ELF2: variants seen among roughly 807,000 people sequenced by gnomAD.
The protein encoded by ELF2 is ETS-related transcription factor Elf-2.
A neutral mutation model predicts 54.8 loss-of-function variants in ELF2; 11 were observed. That is an observed-to-expected ratio of 0.20 (90% CI 0.13 to 0.33). The LOEUF (loss-of-function observed/expected upper bound fraction) is 0.33, where lower values mean the gene tolerates loss of function less well. ELF2 is among the 10% of genes least tolerant of loss of function. ELF2 has a pLI of 1.00. For missense variants in ELF2, 513 were observed against 703.0 expected (o/e 0.73, Z 3.06); for synonymous variants, 203 against 245.1 (o/e 0.83, Z 1.61).
chr4:139,146,687 T>C (rs936208010), intron 1 of ELF2, among the ~76,000 whole-genome samples: 2 of 152,100 alleles, frequency 1.3e-5, no homozygotes, highest in Non-Finnish European at 1.5e-5. Context: ...CATTGACCAA[T>C]GGAACAGATT....
chr4:139,089,798 C>A (rs1002755551), intron 4 of ELF2, among the ~76,000 whole-genome samples: 2 of 152,180 alleles, frequency 1.3e-5, no homozygotes, highest in Admixed American at 1.3e-4. Context: ...TAAAGTTATT[C>A]ATCACATTAG....
chr4:139,144,326 G>C (rs1739008944), intron 1 of ELF2, among the ~76,000 whole-genome samples: 1 of 152,208 alleles, frequency 6.6e-6, no homozygotes, highest in Non-Finnish European at 1.5e-5. Flanking sequence ...GGGGCGGGAA[G>C]AGCCTTGTGC....
Position 139,168,148 on chromosome 4 carries a change from T to A in ELF2, c.-252+8819A>T, listed in dbSNP as rs540331352. ...TGGTTAAGTAAAGAAATGTCTGTGC[T>A]ATTACTAATACTACATGATTTACCT... is the stretch of plus-strand genomic sequence containing the variant. On this transcript the variant is annotated intron_variant, in intron 1 of 9. Transcript: ENST00000686138. Among the ~76,000 whole-genome samples the A allele has an allele frequency of 1.4e-4, 21 of 152,330 alleles. No homozygotes were observed. The South Asian group carries it at 4.1e-3, about 30-fold the overall frequency.
At position 139,114,834 on chromosome 4, in the gene ELF2, G is replaced by C. The variant is rs1036886908; in HGVS notation, c.238+10330C>G. 3 of 1,582,952 alleles carry C rather than the reference G, an allele frequency of 1.9e-6. No individual in the cohort carries two copies. The African/African-American group carries it at 4.0e-5, about 21-fold the overall frequency. ...ACGAGGAGCCCTGCTCATGGCACCA[G>C]GCCTGGCCGCAGGGTCCCCCGGTAT... On this transcript the variant is annotated intron_variant, in intron 4 of 9. Transcript: ENST00000686138.
intron 4 of ELF2, among the ~76,000 whole-genome samples, chr4:139,092,389 T>TAACA (rs1553959617): frequency 8.5e-6 from 1 of 116,960 alleles, no homozygotes; most frequent in East Asian, 2.7e-4. Context: ...TAACATAACA[T>TAACA]AACATAACAT....
chr4:139,169,788 CG>C (rs1742089671), intron 1 of ELF2, among the ~76,000 whole-genome samples: 1 of 147,324 alleles, frequency 6.8e-6, no homozygotes, highest in Admixed American at 6.9e-5. Flanking sequence ...ACCCGGGAGG[CG>C]GAGCTTGCCA....
intron 4 of ELF2, among the ~76,000 whole-genome samples, chr4:139,074,525 G>C (rs1298845986): frequency 1.3e-5 from 2 of 151,970 alleles, no homozygotes; most frequent in African/African-American, 4.8e-5. Context: ...ACTTTGAGAG[G>C]CCAAGGCGTG....
At chr4:139,169,346 T>TAA (rs61462829) in intron 1 of ELF2, among the ~76,000 whole-genome samples, 1 of 77,496 alleles carries the variant, frequency 1.3e-5, no homozygotes, top group African/African-American at 4.6e-5. Context: ...GGACTACATT[T>TAA]AAAAAAAAAA....
Position 139,072,025 on chromosome 4 carries a change from G to A in ELF2, c.367C>T (p.Pro123Ser), listed in dbSNP as rs772288725. The change falls in exon 6 of 10, where the codon CCT becomes TCT. Residue 123 changes from proline to serine, a missense_variant. Coordinates refer to ENST00000686138, the MANE Select transcript of ELF2 (RefSeq NM_001331036.3). ...DSRSPVEVFV[P>S]PCVSTPEFIH... ...AATTCTGGAGTTGATACACAAGGAG[G>A]AACAAACACTTCCACTATAAAAAAA... is the stretch of plus-strand genomic sequence containing the variant. The A allele has an allele frequency of 1.9e-6, 3 of 1,608,522 alleles. No individual in the cohort carries two copies. The highest frequency in any genetic ancestry group is 2.2e-5 in the South Asian group (2 of 89,628).
chr4:139,151,140 T>C (rs1161340049), intron 1 of ELF2, among the ~76,000 whole-genome samples: 2 of 151,438 alleles, frequency 1.3e-5, no homozygotes, highest in African/African-American at 4.9e-5. Context: ...TGATCAGCCA[T>C]ACAAGATTTA....
At chr4:139,125,525 ATAGAT>A (rs1389425798) in intron 3 of ELF2, among the ~76,000 whole-genome samples, 196 bp from the exon 4 acceptor site, 2 of 152,232 alleles carry the variant, frequency 1.3e-5, no homozygotes, top group Non-Finnish European at 2.9e-5. Context: ...GAGGTAAGAC[ATAGAT>A]TAAACATTTT....
At chr4:139,091,952 C>CAT (rs1191290131) in intron 4 of ELF2, among the ~76,000 whole-genome samples, 5 of 148,058 alleles carry the variant, frequency 3.4e-5, no homozygotes, top group South Asian at 4.2e-4. Flanking sequence ...TATATACACA[C>CAT]ATATATATAC....
At chr4:139,086,958 T>C (rs913113633) in intron 4 of ELF2, among the ~76,000 whole-genome samples, 1 of 152,192 alleles carries the variant, frequency 6.6e-6, no homozygotes. Context: ...TTTTAGGAGT[T>C]AGGAGGATCA....
intron 4 of ELF2, among the ~76,000 whole-genome samples, chr4:139,112,711 T>A (rs1011909051): frequency 4.6e-5 from 7 of 152,306 alleles, no homozygotes; most frequent in African/African-American, 7.2e-5. Context: ...AATTTTTTTT[T>A]AATTTTTTTA....
At chr4:139,078,426 T>C (rs1439612284) in intron 4 of ELF2, among the ~76,000 whole-genome samples, 1 of 151,958 alleles carries the variant, frequency 6.6e-6, no homozygotes, top group Non-Finnish European at 1.5e-5. Context: ...ATACCAGTAA[T>C]AGGTAAATGA....
chr4:139,117,486 G>C (rs897225017), intron 4 of ELF2, among the ~76,000 whole-genome samples: 2 of 152,034 alleles, frequency 1.3e-5, no homozygotes, highest in Admixed American at 1.3e-4. Flanking sequence ...ATGAGGCCAG[G>C]AGTTCGAGAT....
At chr4:139,175,090 A>C (rs1742771707) in intron 1 of ELF2, among the ~76,000 whole-genome samples, 1 of 152,356 alleles carries the variant, frequency 6.6e-6, no homozygotes, top group African/African-American at 2.4e-5. Flanking sequence ...ACCAAACTGT[A>C]CACTTTAAAC....
At chr4:139,111,890 A>G (rs1352468031) in intron 4 of ELF2, among the ~76,000 whole-genome samples, 2 of 152,236 alleles carry the variant, frequency 1.3e-5, no homozygotes, top group South Asian at 2.1e-4. Context: ...AGTTAGCTAG[A>G]TATCAGGGAG....
In ELF2 at chr4:139,083,187, G is replaced by C. The variant is rs3805208; in HGVS notation, c.239-9620C>G. On this transcript the variant is annotated intron_variant, in intron 4 of 9. Coordinates refer to ENST00000686138, the MANE Select transcript of ELF2 (RefSeq NM_001331036.3). ...TCCGCTGTGGTGGGAGGTTTGGGGG[G>C]GGGTAGAGGGGAAGGGGGCAATTCC... Among the ~76,000 whole-genome samples the C allele has an allele frequency of 2.8e-4, 42 of 152,232 alleles. No homozygotes were observed. The East Asian group carries it at 7.0e-3, about 25-fold the overall frequency.
Sources: gnomAD v4.1 joint callset for allele counts (sites outside exome capture counted in the v4.1 genomes callset) on GRCh38, gnomAD v4.1.1 for gene constraint, MANE v1.5 for transcripts, NCBI Gene and HGNC (gene_info 2026-07-23, HGNC 2026-07-21) for gene names.